The following ROBO2 variants were observed in gnomAD, a reference collection of about 807,000 sequenced individuals.
The protein encoded by ROBO2 is roundabout homolog 2.
In ROBO2, 53 loss-of-function variants were observed where a neutral mutation model predicts 160.8. The observed-to-expected ratio is 0.33, with a 90% CI of 0.26 to 0.41. The LOEUF is 0.41. ROBO2 is among the 10% of genes least tolerant of loss of function. The probability of loss-of-function intolerance (pLI) is 1.00; values close to 1 mark genes in which losing one functional copy is unlikely to be tolerated. For synonymous variants in ROBO2, 664 were observed against 611.7 expected, an observed-to-expected ratio of 1.09 and a Z score of -1.26; for missense variants, 1,577 against 1,722.4, an observed-to-expected ratio of 0.92 and a Z score of 1.49.
intron 2 of ROBO2, among the ~76,000 whole-genome samples, chr3:77,437,254 A>G (rs1336206634): frequency 6.6e-6 from 1 of 151,986 alleles, no homozygotes; most frequent in Non-Finnish European, 1.5e-5. Flanking sequence ...TAATTTTCAA[A>G]TTTGTGATTT....
intron 2 of ROBO2, among the ~76,000 whole-genome samples, chr3:77,212,745 T>A (rs1423853337): frequency 1.3e-5 from 2 of 152,210 alleles, no homozygotes; most frequent in East Asian, 3.9e-4. Flanking sequence ...TTGAGATACA[T>A]CCCATCAATA....
chr3:75,985,289 A>G (rs977891325), intron 2 of ROBO2, among the ~76,000 whole-genome samples: 5 of 151,526 alleles, frequency 3.3e-5, no homozygotes, highest in Middle Eastern at 3.2e-3. Context: ...GCAAAATAAA[A>G]TACACTTAAT....
intron 23 of ROBO2, among the ~76,000 whole-genome samples, chr3:77,623,890 TATA>T (rs2094951804): frequency 6.6e-6 from 1 of 152,194 alleles, no homozygotes. Context: ...TATTAAATAT[TATA>T]ATGTCAAAGA....
chr3:76,147,263 G>C (rs1174034417), intron 2 of ROBO2, among the ~76,000 whole-genome samples: 3 of 151,500 alleles, frequency 2.0e-5, no homozygotes, highest in African/African-American at 7.3e-5. Context: ...TTAAGTTTTA[G>C]GATACATAGA....
chr3:77,239,278 G>A (rs1199675986), intron 2 of ROBO2, among the ~76,000 whole-genome samples: 1 of 152,128 alleles, frequency 6.6e-6, no homozygotes, highest in Non-Finnish European at 1.5e-5. Flanking sequence ...GACCTTTGCC[G>A]TGAGTGTTGC....
At chr3:77,485,894 G>T (rs1166148188) in intron 4 of ROBO2, among the ~76,000 whole-genome samples, 1 of 151,986 alleles carries the variant, frequency 6.6e-6, no homozygotes, top group Non-Finnish European at 1.5e-5. Flanking sequence ...TAGGTATTAG[G>T]TCCCACATCC....
chr3:76,616,955 A>G (rs899097962), intron 2 of ROBO2, among the ~76,000 whole-genome samples: 2 of 152,134 alleles, frequency 1.3e-5, no homozygotes, highest in African/African-American at 4.8e-5. Flanking sequence ...TCAGTCAAAT[A>G]GGCATGGATG....
At chr3:77,428,971 T>C (rs951358187) in intron 2 of ROBO2, among the ~76,000 whole-genome samples, 2 of 152,170 alleles carry the variant, frequency 1.3e-5, no homozygotes, top group Non-Finnish European at 2.9e-5. Context: ...CTATAGAATT[T>C]TGATTTATTT....
chr3:77,158,093 T>G (rs970005626), intron 2 of ROBO2, among the ~76,000 whole-genome samples: 4 of 152,266 alleles, frequency 2.6e-5, no homozygotes, highest in Admixed American at 2.6e-4. Context: ...TTTAGAGCTG[T>G]TCTCTTGCAG....
intron 2 of ROBO2, among the ~76,000 whole-genome samples, chr3:76,335,883 A>G (rs986571095): frequency 1.3e-5 from 2 of 152,160 alleles, no homozygotes; most frequent in African/African-American, 2.4e-5. Flanking sequence ...GCCTAAAGCC[A>G]TAACTTTTAA....
chr3:77,255,500 G>C (rs1197971110), intron 2 of ROBO2, among the ~76,000 whole-genome samples: 1 of 152,152 alleles, frequency 6.6e-6, no homozygotes, highest in Non-Finnish European at 1.5e-5. Context: ...AGTGCTGAGA[G>C]GTAAAATAAA....
At chr3:76,553,081 GAGC>G (rs1336070525) in intron 2 of ROBO2, among the ~76,000 whole-genome samples, 1 of 152,116 alleles carries the variant, frequency 6.6e-6, no homozygotes, top group African/African-American at 2.4e-5. Flanking sequence ...ATGTGAAAGT[GAGC>G]AGGACATAGT....
chr3:76,222,196 C>A (rs1031891687), intron 2 of ROBO2, among the ~76,000 whole-genome samples: 1 of 152,160 alleles, frequency 6.6e-6, no homozygotes, highest in Admixed American at 6.5e-5. Flanking sequence ...AACACGTTAC[C>A]AGTGGCAAAT....
At chr3:77,322,228 GT>G (rs1461318705) in intron 2 of ROBO2, among the ~76,000 whole-genome samples, 1 of 152,154 alleles carries the variant, frequency 6.6e-6, no homozygotes, top group African/African-American at 2.4e-5. Flanking sequence ...ATGAAATGAT[GT>G]TTTTGTGCTT....
chr3:77,416,999 T>C (rs966227968), intron 2 of ROBO2, among the ~76,000 whole-genome samples: 1 of 152,114 alleles, frequency 6.6e-6, no homozygotes, highest in African/African-American at 2.4e-5. Context: ...TGTTGAATAT[T>C]AGGTAATTTT....
chr3:77,056,151 G>A (rs1292607657), intron 1 of ROBO2, among the ~76,000 whole-genome samples: 1 of 152,186 alleles, frequency 6.6e-6, no homozygotes, highest in African/African-American at 2.4e-5. Context: ...ACAAGATAAA[G>A]TCCTCAGAAT....
chr3:77,507,294 A>T (rs965007943), intron 5 of ROBO2, among the ~76,000 whole-genome samples: 1 of 152,184 alleles, frequency 6.6e-6, no homozygotes, highest in Non-Finnish European at 1.5e-5. Flanking sequence ...CGGACTGAAC[A>T]TCCCTCTGAT....
intron 2 of ROBO2, among the ~76,000 whole-genome samples, chr3:76,483,330 CTTTTA>C (rs2079310525): frequency 6.8e-6 from 1 of 147,024 alleles, no homozygotes; most frequent in African/African-American, 2.5e-5. Flanking sequence ...TCAATTTCAA[CTTTTA>C]TTTTAAGTTC....
intron 2 of ROBO2, among the ~76,000 whole-genome samples, chr3:76,402,554 A>G (rs1458510108): frequency 2.0e-5 from 3 of 151,550 alleles, no homozygotes; most frequent in Non-Finnish European, 4.4e-5. Flanking sequence ...TCACCCAACT[A>G]AAATTAAATT....
Sources: allele counts gnomAD v4.1 joint callset (sites outside exome capture counted in the v4.1 genomes callset), GRCh38; gene constraint gnomAD v4.1.1; transcripts MANE v1.5; gene names NCBI Gene and HGNC (gene_info 2026-07-23, HGNC 2026-07-21).